TAF4B: variants seen among roughly 807,000 people sequenced by gnomAD.
TAF4B encodes the protein transcription initiation factor TFIID subunit 4B.
A neutral mutation model predicts 86.4 loss-of-function variants in TAF4B; 38 were observed. That is an observed-to-expected ratio of 0.44 (90% CI 0.34 to 0.58). The LOEUF is 0.58. Ranked by LOEUF, TAF4B falls within the 20% of genes least tolerant of loss-of-function variation. The probability of loss-of-function intolerance (pLI) is 0.02; values close to 1 mark genes in which losing one functional copy is unlikely to be tolerated. For synonymous variants in TAF4B, 388 were observed against 391.2 expected (o/e 0.99, Z 0.10); for missense variants, 988 against 1,027.6 (o/e 0.96, Z 0.53).
In TAF4B at chr18:26,226,980, C is replaced by T. The variant is rs535507497; in HGVS notation, c.47C>T (p.Ala16Val). The change falls in exon 1 of 15, where the codon GCT (alanine) becomes GTT (valine). Residue 16 changes from alanine to valine, a missense_variant. Physicochemically the swap from Ala to Val is moderately conservative, Grantham distance 64. This residue lies in a region of TAF4B where 747 missense variants were observed against 737.9 expected (regional missense o/e 1.01). Coordinates refer to ENST00000269142, the MANE Select transcript of TAF4B (RefSeq NM_005640.3). The part of the protein sequence containing the change: ...TEPAGAAPPA[A>V]VSASGTVTMA... Reference sequence around the variant, plus strand: ...CCCGCCGGCGCCGCTCCCCCGGCTGCTGTGAGCGCCTCGGGGACCGTGACC... The same window carrying T: ...CCCGCCGGCGCCGCTCCCCCGGCTGTTGTGAGCGCCTCGGGGACCGTGACC... 81 of 1,399,462 alleles carry T rather than the reference C, an allele frequency of 5.8e-5. No individual in the cohort carries two copies. In the East Asian group the frequency reaches 2.1e-3, roughly 36 times the overall value. The allele number at this position is 1,399,462 out of a possible 1,614,324, so 86.7% of individuals were successfully genotyped here. A position where few individuals can be genotyped will look rare whatever the true frequency, so the allele number is the denominator to read the frequency against.
intron 12 of TAF4B, among the ~76,000 whole-genome samples, chr18:26,329,043 T>A (rs1362106502): frequency 6.6e-6 from 1 of 151,922 alleles, no homozygotes; most frequent in Admixed American, 6.6e-5. Context: ...CTCCTACCTT[T>A]CTTTCCTCTT....
intron 6 of TAF4B, 134 bp from the exon 7 acceptor site, chr18:26,285,748 A>T (rs1206450040): frequency 9.3e-7 from 1 of 1,074,668 alleles, no homozygotes; most frequent in African/African-American, 1.6e-5. Context: ...AGTAAGTGAT[A>T]CAAGCTGTCT....
rs200404383 is a variant in TAF4B at position 26,335,163 on chromosome 18, T to C, written c.2260-12T>C. 7 of 1,606,602 alleles carry C rather than the reference T, an allele frequency of 4.4e-6. No homozygotes were observed. The highest frequency in any genetic ancestry group is 1.7e-5 in the Admixed American group (1 of 59,800). ...TAGTAATTTCTATTAAAATTTTCTT[T>C]TCCTTTGATAGAGTCGTTCTAATAA... On this transcript the variant is annotated splice_polypyrimidine_tract_variant and intron_variant, in intron 12 of 14. Coordinates refer to ENST00000269142, the MANE Select transcript of TAF4B (RefSeq NM_005640.3).
intron 14 of TAF4B, among the ~76,000 whole-genome samples, chr18:26,367,682 A>G (rs1228500197): frequency 6.6e-6 from 1 of 152,238 alleles, no homozygotes; most frequent in Non-Finnish European, 1.5e-5. Flanking sequence ...GGCACATAAA[A>G]TTAACCATCA....
chr18:26,386,196 T>C (rs951494186), intron 14 of TAF4B, among the ~76,000 whole-genome samples: 5 of 152,144 alleles, frequency 3.3e-5, no homozygotes, highest in African/African-American at 1.2e-4. Context: ...GACCTTCTTT[T>C]CAACTCTGTG....
At chr18:26,385,158 T>G (rs936572537) in intron 14 of TAF4B, among the ~76,000 whole-genome samples, 2 of 152,190 alleles carry the variant, frequency 1.3e-5, no homozygotes, top group African/African-American at 4.8e-5. Flanking sequence ...TAAGGAAATG[T>G]GGAAAAAGAA....
intron 13 of TAF4B, among the ~76,000 whole-genome samples, chr18:26,355,551 G>C (rs1252276473): frequency 6.6e-6 from 1 of 152,170 alleles, no homozygotes; most frequent in Non-Finnish European, 1.5e-5. Flanking sequence ...ACTATGGTCA[G>C]TTTCCATTTT....
In TAF4B at chr18:26,267,510, G is replaced by C; in HGVS notation, c.490-6G>C. 2 of 1,609,910 alleles carry C rather than the reference G, an allele frequency of 1.2e-6. No individual in the cohort carries two copies. The highest frequency in any genetic ancestry group is 1.7e-6 in the Non-Finnish European group (2 of 1,176,304). On this transcript the variant is annotated splice_region_variant and splice_polypyrimidine_tract_variant and intron_variant, in intron 2 of 14. Transcript: ENST00000269142. The stretch of plus-strand genomic sequence containing the variant: ...TTGTGTTATCTTGCTCCCCTCCACC[G>C]CCAAGAACTCTAGCTCACAATTAAT...
At chr18:26,344,543 G>A (rs902920661) in intron 13 of TAF4B, among the ~76,000 whole-genome samples, 1 of 152,160 alleles carries the variant, frequency 6.6e-6, no homozygotes, top group African/African-American at 2.4e-5. Context: ...CAGAGTTGCT[G>A]TAAGACTATT....
intron 12 of TAF4B, among the ~76,000 whole-genome samples, chr18:26,331,138 G>C (rs1055580746): frequency 6.6e-5 from 10 of 152,204 alleles, no homozygotes; most frequent in Admixed American, 3.3e-4. Context: ...GGGAAGAGCA[G>C]GAAGGTGGGA....
chr18:26,291,469 G>T (rs1377932489), intron 7 of TAF4B, among the ~76,000 whole-genome samples: 1 of 152,084 alleles, frequency 6.6e-6, no homozygotes, highest in Non-Finnish European at 1.5e-5. Context: ...CATTTTGGGA[G>T]GCTGAGGTGG....
At chr18:26,300,923 C>T (rs1055362760) in intron 9 of TAF4B, among the ~76,000 whole-genome samples, 1 of 151,294 alleles carries the variant, frequency 6.6e-6, no homozygotes, top group African/African-American at 2.4e-5. Context: ...ATATTTGAAG[C>T]TCTGTTATTG....
chr18:26,247,648 G>A (rs889008842), intron 1 of TAF4B, among the ~76,000 whole-genome samples: 3 of 152,228 alleles, frequency 2.0e-5, no homozygotes, highest in Admixed American at 1.3e-4. Context: ...TTGGGAGGCC[G>A]AGGCAGGCAG....
chr18:26,234,210 A>G (rs912542016), intron 1 of TAF4B, among the ~76,000 whole-genome samples: 1 of 152,188 alleles, frequency 6.6e-6, no homozygotes, highest in African/African-American at 2.4e-5. Context: ...GGTATTCCTA[A>G]TGGGAGATTC....
intron 9 of TAF4B, chr18:26,304,865 A>C: frequency 1.0e-6 from 1 of 985,386 alleles, no homozygotes; most frequent in Non-Finnish European, 1.2e-6. Flanking sequence ...GAAAAATGTC[A>C]CTATAAGTAT....
chr18:26,381,238 C>T (rs1485799902), intron 14 of TAF4B, among the ~76,000 whole-genome samples: 1 of 151,762 alleles, frequency 6.6e-6, no homozygotes, highest in East Asian at 2.0e-4. Context: ...TGGTCTTGAA[C>T]TCCTGGGCTC....
At chr18:26,344,628 A>T (rs1027167842) in intron 13 of TAF4B, among the ~76,000 whole-genome samples, 3 of 152,254 alleles carry the variant, frequency 2.0e-5, no homozygotes, top group Non-Finnish European at 4.4e-5. Context: ...AGCACAACAG[A>T]AATGGAAAAC....
chr18:26,300,857 AT>A (rs937475143), intron 9 of TAF4B, among the ~76,000 whole-genome samples: 9 of 138,670 alleles, frequency 6.5e-5, no homozygotes, highest in East Asian at 5.5e-4. Context: ...TCCCACTCTG[AT>A]TTTTTTTTTC....
intron 5 of TAF4B, among the ~76,000 whole-genome samples, chr18:26,279,650 C>T (rs1011899656): frequency 6.6e-6 from 1 of 151,164 alleles, no homozygotes; most frequent in Non-Finnish European, 1.5e-5. Context: ...GGCACTGATA[C>T]AAAAACAGAC....
Sources: gnomAD v4.1 joint callset for allele counts (sites outside exome capture counted in the v4.1 genomes callset) on GRCh38, gnomAD v4.1.1 for gene constraint, gnomAD v4.1.1 regional missense constraint, MANE v1.5 for transcripts, NCBI Gene and HGNC (gene_info 2026-07-23, HGNC 2026-07-21) for gene names.